The following TIGD1 variants were observed in gnomAD, a reference collection of about 807,000 sequenced individuals.
TIGD1 encodes tigger transposable element derived 1, also known as tigger transposable element-derived protein 1.
In TIGD1, 20 loss-of-function variants were observed where a neutral mutation model predicts 21.3. The ratio of observed to expected loss-of-function variants is 0.94; its 90% CI spans 0.66 to 1.36. The LOEUF is 1.36. Ranked by LOEUF, TIGD1 falls within the 40% of genes most tolerant of loss-of-function variation. The pLI is 0.00. For synonymous variants in TIGD1, 177 were observed against 123.2 expected, an observed-to-expected ratio of 1.44 and a Z score of -2.89; for missense variants, 556 against 350.5, an observed-to-expected ratio of 1.59 and a Z score of -4.68.
Position 232,548,868 on chromosome 2 carries a change from T to C in TIGD1, c.1015A>G (p.Ile339Val). ...SILQPMDQGV[I>V]STFKSYYLRN... Reference sequence around the variant, plus strand: ...AAATAATAAGACTTGAAGGTCGAAATTACCCCTTGATCCATGGGCTGCAGA... The same window carrying C: ...AAATAATAAGACTTGAAGGTCGAAACTACCCCTTGATCCATGGGCTGCAGA... Residue 339 changes from isoleucine (I) to valine (V), a missense_variant, in exon 1 of 1, where the codon ATT (isoleucine) becomes GTT (valine). Physicochemically the swap from Ile to Val is conservative, Grantham distance 29. Coordinates refer to ENST00000408957, the MANE Select transcript of TIGD1 (RefSeq NM_145702.4). 1.6e-6 allele frequency: 1 copy of C among 634,312 alleles called. No homozygotes were observed. The highest frequency in any genetic ancestry group is 2.9e-6 in the Non-Finnish European group (1 of 348,026). 39.3% of individuals were successfully genotyped at this position (634,312 alleles called of 1,614,324 possible). A position where few individuals can be genotyped will look rare whatever the true frequency, so the allele number is the denominator to read the frequency against.
Position 232,550,041 on chromosome 2 carries a change from C to T in TIGD1, c.-159G>A. The T allele has an allele frequency of 2.0e-6, 1 of 493,244 alleles. No individual in the cohort carries two copies. The highest frequency in any genetic ancestry group is 3.7e-6 in the Non-Finnish European group (1 of 273,508). 30.6% of individuals were successfully genotyped at this position (493,244 alleles called of 1,614,324 possible). ...CTTATAAAAGACGCTGTATGTGGCACCCCAAAACAATGACAATAGCAACAT... is the reference window on the plus strand; with the variant it reads ...CTTATAAAAGACGCTGTATGTGGCATCCCAAAACAATGACAATAGCAACAT... On this transcript the variant is annotated 5_prime_UTR_variant, in exon 1 of 1. The change creates a new upstream start codon in the 5' untranslated region. Transcript: ENST00000408957.
Position 232,545,555 on chromosome 2 carries a change from T to A in TIGD1, c.*2552A>T, listed in dbSNP as rs1692114181. 1.9e-6 allele frequency: 3 copies of A among 1,613,564 alleles called. No homozygotes were observed. The highest frequency in any genetic ancestry group is 1.7e-6 in the Non-Finnish European group (2 of 1,179,900). ...CTCCCACCCTCAGGGGAATGAGGAG[T>A]GGTTCCTGGTGGGCCGAGTGCTGGA... On this transcript the variant is annotated 3_prime_UTR_variant, in exon 1 of 1. Coordinates refer to ENST00000408957, the MANE Select transcript of TIGD1 (RefSeq NM_145702.4).
Position 232,545,799 on chromosome 2 carries a change from C to A in TIGD1, c.*2308G>T. ...ATCAGCCACGTTCTCCTACTGAGGT[C>A]CTAAGTGTGCTCTTTGGGAAGTGCC... On this transcript the variant is annotated 3_prime_UTR_variant, in exon 1 of 1. Transcript: ENST00000408957. 6.8e-7 allele frequency: 1 copy of A among 1,464,236 alleles called. No individual in the cohort carries two copies. Among genetic ancestry groups the A allele is most frequent in the Non-Finnish European group, 9.5e-7 (1 of 1,048,948 alleles). 90.7% of individuals were successfully genotyped at this position (1,464,236 alleles called of 1,614,324 possible).
At position 232,550,526 on chromosome 2, in the gene TIGD1, A is replaced by AGCCAGCTCCGCCGCTGAGTCCAGCC. The variant is rs1412514007; in HGVS notation, c.-669_-645dup. 9 of 651,714 alleles carry AGCCAGCTCCGCCGCTGAGTCCAGCC rather than the reference A, an allele frequency of 1.4e-5. No individual in the cohort carries two copies. The highest frequency in any genetic ancestry group is 8.0e-6 in the Non-Finnish European group (3 of 376,530). The allele number at this position is 651,714 out of a possible 1,614,324, so 40.4% of individuals were successfully genotyped here. A position where few individuals can be genotyped will look rare whatever the true frequency, so the allele number is the denominator to read the frequency against. On this transcript the variant is annotated 5_prime_UTR_variant, in exon 1 of 1. Transcript: ENST00000408957. ...GGACAGAGGCAGAACTGAGGCCAGC[A>AGCCAGCTCCGCCGCTGAGTCCAGCC]GCCAGCTCCGCCGCTGAGTCCAGCC...
rs781000671 is a variant in TIGD1 at position 232,544,426 on chromosome 2, A to G, written c.*3681T>C. 6.2e-7 allele frequency: 1 copy of G among 1,613,618 alleles called. No individual in the cohort carries two copies. Among genetic ancestry groups the G allele is most frequent in the Admixed American group, 1.7e-5 (1 of 60,030 alleles). ...TGCACGTTCGCCCGCTGGCCCCGGC[A>G]GCTGTGCAGGACACCCAGTCCCGGC... On this transcript the variant is annotated 3_prime_UTR_variant, in exon 1 of 1. Transcript: ENST00000408957.
chr2:232,545,893 G>A lies in TIGD1; in HGVS notation c.*2214C>T. 1.3e-6 allele frequency: 1 copy of A among 747,974 alleles called. No homozygotes were observed. Among genetic ancestry groups the A allele is most frequent in the Non-Finnish European group, 2.3e-6 (1 of 437,786 alleles). The allele number at this position is 747,974 out of a possible 1,614,324, so 46.3% of individuals were successfully genotyped here. On this transcript the variant is annotated 3_prime_UTR_variant, in exon 1 of 1. Transcript: ENST00000408957. Reference sequence around the variant, plus strand: ...AAACAGTCTGAGCTGGAGTCCGAGAGTGGTTGGGGGTGGGCCGTGGCTAGT... The same window carrying A: ...AAACAGTCTGAGCTGGAGTCCGAGAATGGTTGGGGGTGGGCCGTGGCTAGT...
chr2:232,544,702 A>G lies in TIGD1; in HGVS notation c.*3405T>C. 1.3e-6 allele frequency: 2 copies of G among 1,594,868 alleles called. No individual in the cohort carries two copies. The highest frequency in any genetic ancestry group is 1.7e-6 in the Non-Finnish European group (2 of 1,163,824). On this transcript the variant is annotated 3_prime_UTR_variant, in exon 1 of 1. Coordinates refer to ENST00000408957, the MANE Select transcript of TIGD1 (RefSeq NM_145702.4). ...AGGGAGAGAGGAGCTGGGGTCCCTA[A>G]GGAGAGGCCATCTTCTCTGCCTGTT...
At position 232,548,003 on chromosome 2, in the gene TIGD1, G is replaced by A; in HGVS notation, c.*104C>T. On this transcript the variant is annotated 3_prime_UTR_variant, in exon 1 of 1. Transcript: ENST00000408957. ...GTTTCCCAATGCATATAAAAGTTAT[G>A]TTTACACTATACTGTAGACCAGCAA... 1 of 471,524 alleles carries A rather than the reference G, an allele frequency of 2.1e-6. No individual in the cohort carries two copies. Among genetic ancestry groups the A allele is most frequent in the Non-Finnish European group, 3.7e-6 (1 of 270,060 alleles). The allele number at this position is 471,524 out of a possible 1,614,324, so 29.2% of individuals were successfully genotyped here. A position where few individuals can be genotyped will look rare whatever the true frequency, so the allele number is the denominator to read the frequency against.
Position 232,548,089 on chromosome 2 carries a change from G to T in TIGD1, c.*18C>A, listed in dbSNP as rs1692162423. The T allele has an allele frequency of 6.4e-6, 4 of 621,628 alleles. No individual in the cohort carries two copies. Among genetic ancestry groups the T allele is most frequent in the Non-Finnish European group, 1.1e-5 (4 of 369,272 alleles). The allele number at this position is 621,628 out of a possible 1,614,324, so 38.5% of individuals were successfully genotyped here. Reference sequence around the variant, plus strand: ...TACCTAAATTTAAAAATACTTTATTGCTAAAAAATGCTGATTATCAATCTG... The same window carrying T: ...TACCTAAATTTAAAAATACTTTATTTCTAAAAAATGCTGATTATCAATCTG... On this transcript the variant is annotated 3_prime_UTR_variant, in exon 1 of 1. Transcript: ENST00000408957.
At position 232,547,122 on chromosome 2, in the gene TIGD1, C is replaced by T. The variant is rs1692146717; in HGVS notation, c.*985G>A. 6.6e-6 allele frequency among the ~76,000 whole-genome samples: 1 copy of T among 152,162 alleles called. No individual in the cohort carries two copies. The highest frequency in any genetic ancestry group is 6.5e-5 in the Admixed American group (1 of 15,274). ...AATAAGGTGCAAAAAATAATCCATT[C>T]CTGGCCAGGTGTGGTGGCTCACACC... is the stretch of plus-strand genomic sequence containing the variant. On this transcript the variant is annotated 3_prime_UTR_variant, in exon 1 of 1. Transcript: ENST00000408957.
Position 232,546,309 on chromosome 2 carries a change from T to C in TIGD1, c.*1798A>G, listed in dbSNP as rs1033983635. The C allele has an allele frequency of 2.7e-5, 1 of 36,962 alleles. No individual in the cohort carries two copies. Among genetic ancestry groups the C allele is most frequent in the African/African-American group, 8.2e-5 (1 of 12,138 alleles). 2.3% of individuals were successfully genotyped at this position (36,962 alleles called of 1,614,324 possible). On this transcript the variant is annotated 3_prime_UTR_variant, in exon 1 of 1. Transcript: ENST00000408957. ...CGATTTCCTGAGTTTTGTAATCCTC[T>C]TTTTTTTTTTTTTTTTTTTAGTTTT...
Position 232,548,506 on chromosome 2 carries a change from C to T in TIGD1, c.1377G>A (p.Glu459=), listed in dbSNP as rs1219326147. The change falls in exon 1 of 1, where the codon GAG becomes GAA. Residue 459 remains glutamate (E), a synonymous_variant. Coordinates refer to ENST00000408957, the MANE Select transcript of TIGD1 (RefSeq NM_145702.4). The stretch of plus-strand genomic sequence containing the variant: ...TTCTTTGCGCATCCATAAGAAACAA[C>T]TCCTCATCTGTTAAAGTTTTATCAT... The part of the protein sequence containing the change: ...QSHDKTLTDE[E]LFLMDAQRKW... 3.0e-6 allele frequency: 2 copies of T among 659,130 alleles called. No homozygotes were observed. Among genetic ancestry groups the T allele is most frequent in the Non-Finnish European group, 5.5e-6 (2 of 366,602 alleles). The allele number at this position is 659,130 out of a possible 1,614,324, so 40.8% of individuals were successfully genotyped here. A position where few individuals can be genotyped will look rare whatever the true frequency, so the allele number is the denominator to read the frequency against.
Position 232,547,142 on chromosome 2 carries a change from C to T in TIGD1, c.*965G>A, listed in dbSNP as rs1019558955. Among the ~76,000 whole-genome samples, 2 of 152,142 alleles carry T rather than the reference C, an allele frequency of 1.3e-5. No individual in the cohort carries two copies. Among genetic ancestry groups the T allele is most frequent in the Non-Finnish European group, 2.9e-5 (2 of 68,022 alleles). Reference sequence around the variant, plus strand: ...CCATTCCTGGCCAGGTGTGGTGGCTCACACCTGCAATCCCAGCACCTTGGG... The same window carrying T: ...CCATTCCTGGCCAGGTGTGGTGGCTTACACCTGCAATCCCAGCACCTTGGG... On this transcript the variant is annotated 3_prime_UTR_variant, in exon 1 of 1. Transcript: ENST00000408957.
Position 232,547,310 on chromosome 2 carries a change from C to G in TIGD1, c.*797G>C, listed in dbSNP as rs1223161313. ...ATGCATGCCTGTAGTCCCAGTTACT[C>G]GGGAGGCTGAGGTGGGAGGATCGCT... On this transcript the variant is annotated 3_prime_UTR_variant, in exon 1 of 1. Transcript: ENST00000408957. 6.6e-6 allele frequency among the ~76,000 whole-genome samples: 1 copy of G among 152,072 alleles called. No homozygotes were observed. Among genetic ancestry groups the G allele is most frequent in the African/African-American group, 2.4e-5 (1 of 41,474 alleles).
Position 232,548,931 on chromosome 2 carries a change from T to C in TIGD1, c.952A>G (p.Ile318Val). ...PRALMEIYEE[I>V]NVIFMPANTT... ...TTAGCAGGCATGAAAATAACATTAA[T>C]CTCCTCGTATATCTCCATCAGAGCT... The change falls in exon 1 of 1, where the codon ATT (isoleucine) becomes GTT (valine). Residue 318 changes from isoleucine (I) to valine (V), a missense_variant. Transcript: ENST00000408957. 1.5e-6 allele frequency: 1 copy of C among 676,548 alleles called. No individual in the cohort carries two copies. Among genetic ancestry groups the C allele is most frequent in the East Asian group, 2.8e-5 (1 of 35,154 alleles). The allele number at this position is 676,548 out of a possible 1,614,324, so 41.9% of individuals were successfully genotyped here.
chr2:232,545,176 G>A lies in TIGD1; in HGVS notation c.*2931C>T, dbSNP rs1039885248. Among the ~76,000 whole-genome samples the A allele has an allele frequency of 3.9e-5, 6 of 152,040 alleles. No homozygotes were observed. The highest frequency in any genetic ancestry group is 5.9e-5 in the Non-Finnish European group (4 of 68,006). On this transcript the variant is annotated 3_prime_UTR_variant, in exon 1 of 1. Transcript: ENST00000408957. ...CCAAAAATTAGCTGGGTGTGGTGGC[G>A]GGCACCTGTATTCCCAGCTACTCAG...
In TIGD1 at chr2:232,550,328, G is replaced by T; in HGVS notation, c.-446C>A. On this transcript the variant is annotated 5_prime_UTR_variant, in exon 1 of 1. Coordinates refer to ENST00000408957, the MANE Select transcript of TIGD1 (RefSeq NM_145702.4). ...ACCGACAAAGGAAAGCCTCCGGGAG[G>T]TCAAAAGAGATACCAGAGAGTGCGT... 1 of 362,204 alleles carries T rather than the reference G, an allele frequency of 2.8e-6. No individual in the cohort carries two copies. 22.4% of individuals were successfully genotyped at this position (362,204 alleles called of 1,614,324 possible).
chr2:232,544,647 G>A lies in TIGD1; in HGVS notation c.*3460C>T, dbSNP rs978058619. 6.4e-7 allele frequency: 1 copy of A among 1,564,014 alleles called. No individual in the cohort carries two copies. The highest frequency in any genetic ancestry group is 1.4e-5 in the African/African-American group (1 of 74,026). Reference sequence around the variant, plus strand: ...GACCCCAGCTGGGGAGCCAGGCACAGCAGATGAGTGCTGGAGAAGTGCCCA... The same window carrying A: ...GACCCCAGCTGGGGAGCCAGGCACAACAGATGAGTGCTGGAGAAGTGCCCA... On this transcript the variant is annotated 3_prime_UTR_variant, in exon 1 of 1. Transcript: ENST00000408957.
At position 232,548,852 on chromosome 2, in the gene TIGD1, G is replaced by A. The variant is rs767787766; in HGVS notation, c.1031C>T (p.Ser344Phe). Residue 344 changes from serine (S) to phenylalanine (F), a missense_variant, in exon 1 of 1, where the codon TCT becomes TTT. By Grantham distance (155) the Ser-to-Phe change is radical. Transcript: ENST00000408957. Reference sequence around the variant, plus strand: ...ATGAAATGTATTTCTCAAATAATAAGACTTGAAGGTCGAAATTACCCCTTG... The same window carrying A: ...ATGAAATGTATTTCTCAAATAATAAAACTTGAAGGTCGAAATTACCCCTTG... The part of the protein sequence containing the change: ...MDQGVISTFK[S>F]YYLRNTFHKA... 23 of 614,268 alleles carry A rather than the reference G, an allele frequency of 3.7e-5. No individual in the cohort carries two copies. The highest frequency in any genetic ancestry group is 6.0e-5 in the Non-Finnish European group (20 of 335,494). 38.1% of individuals were successfully genotyped at this position (614,268 alleles called of 1,614,324 possible).
Sources: allele counts gnomAD v4.1 joint callset (sites outside exome capture counted in the v4.1 genomes callset), GRCh38; gene constraint gnomAD v4.1.1; transcripts MANE v1.5; gene names NCBI Gene and HGNC (gene_info 2026-07-23, HGNC 2026-07-21).